THSD7A: variants seen among roughly 807,000 people sequenced by gnomAD.
THSD7A encodes the protein thrombospondin type 1 domain containing 7A.
Under a neutral mutation model 231.3 loss-of-function variants are expected in THSD7A, and 96 were observed. The observed-to-expected ratio is 0.41, with a 90% CI of 0.35 to 0.49. The LOEUF (loss-of-function observed/expected upper bound fraction) is 0.49, where lower values mean the gene tolerates loss of function less well. Among genes scored for constraint, THSD7A ranks in the 20% least tolerant of loss-of-function variants. The pLI, the probability that THSD7A is intolerant of heterozygous loss-of-function variation, is 0.05. For synonymous variants in THSD7A, 940 were observed against 743.3 expected (o/e 1.26, Z -4.30); for missense variants, 2,290 against 2,070.2 (o/e 1.11, Z -2.06).
intron 1 of THSD7A, among the ~76,000 whole-genome samples, chr7:11,778,417 C>T (rs1783509227): frequency 6.6e-6 from 1 of 151,942 alleles, no homozygotes; most frequent in Non-Finnish European, 1.5e-5. Context: ...AGTGGTTATC[C>T]ATATTTTCAT....
At chr7:11,779,081 A>G (rs1237404332) in intron 1 of THSD7A, among the ~76,000 whole-genome samples, 3 of 152,190 alleles carry the variant, frequency 2.0e-5, no homozygotes, top group African/African-American at 7.2e-5. Flanking sequence ...AATTAGAATA[A>G]GTGAAATTAA....
At chr7:11,746,591 C>A (rs755862317) in intron 1 of THSD7A, among the ~76,000 whole-genome samples, 2 of 151,794 alleles carry the variant, frequency 1.3e-5, no homozygotes, top group Non-Finnish European at 2.9e-5. Flanking sequence ...TCATGATTAA[C>A]CTGTGGTTAC....
chr7:11,704,142 T>C (rs1293926348), intron 1 of THSD7A, among the ~76,000 whole-genome samples: 4 of 151,112 alleles, frequency 2.6e-5, no homozygotes, highest in African/African-American at 7.3e-5. Flanking sequence ...GGGAAAAAGA[T>C]AGTTTCTACC....
chr7:11,785,978 A>G (rs919858370), intron 1 of THSD7A, among the ~76,000 whole-genome samples: 1 of 151,940 alleles, frequency 6.6e-6, no homozygotes, highest in African/African-American at 2.4e-5. Flanking sequence ...ATCTGAAATG[A>G]TTTTCTTTAA....
chr7:11,745,777 G>A (rs1782279209), intron 1 of THSD7A, among the ~76,000 whole-genome samples: 1 of 151,964 alleles, frequency 6.6e-6, no homozygotes, highest in African/African-American at 2.4e-5. Context: ...TTATTTCTGA[G>A]GGCTCTGTTC....
chr7:11,600,675 G>C (rs920005075), intron 2 of THSD7A, among the ~76,000 whole-genome samples: 1 of 152,178 alleles, frequency 6.6e-6, no homozygotes, highest in Non-Finnish European at 1.5e-5. Flanking sequence ...GCCATGAAGA[G>C]CCATCTGGTC....
intron 13 of THSD7A, among the ~76,000 whole-genome samples, chr7:11,438,645 TATTTA>T (rs1427161131): frequency 3.3e-5 from 5 of 152,190 alleles, no homozygotes; most frequent in African/African-American, 1.2e-4. Flanking sequence ...TATTCTGAAC[TATTTA>T]ATTGTTACTA....
chr7:11,380,728 C>T (rs1352559398), intron 24 of THSD7A, among the ~76,000 whole-genome samples: 1 of 152,070 alleles, frequency 6.6e-6, no homozygotes, highest in South Asian at 2.1e-4. Flanking sequence ...ACTTTACATG[C>T]TTGTCTATTT....
rs773888714 is a variant in THSD7A, at chr7:11,593,432, C to T, written c.1093G>A (p.Glu365Lys). Residue 365 changes from glutamate to lysine, a missense_variant, in exon 3 of 28, where the codon GAG (glutamate) becomes AAG (lysine). By Grantham distance (56) the Glu-to-Lys change is moderately conservative. Transcript: ENST00000423059. ...CVITKECQVS[E>K]WSEWSPCSKT... ...GAGCAGGGGCTCCACTCTGACCACT[C>T]GGAAACCTGGCACTCTTTGGTGATC... The T allele has an allele frequency of 7.4e-5, 120 of 1,613,872 alleles. No individual in the cohort carries two copies. Among genetic ancestry groups the T allele is most frequent in the Middle Eastern group, 1.6e-4 (1 of 6,084 alleles).
At chr7:11,541,288 A>T in intron 6 of THSD7A, 131 bp downstream of exon 6, 4 of 852,626 alleles carry the variant, frequency 4.7e-6, no homozygotes, top group Non-Finnish European at 7.5e-6. Context: ...GGAGGGAGAG[A>T]GAAGCAGCTA....
chr7:11,802,611 G>A (rs1451143105), intron 1 of THSD7A, among the ~76,000 whole-genome samples: 1 of 152,138 alleles, frequency 6.6e-6, no homozygotes. Flanking sequence ...ATATATTCTG[G>A]TTCTGCTCTT....
chr7:11,820,158 C>T (rs1235717148), intron 1 of THSD7A, among the ~76,000 whole-genome samples: 1 of 152,148 alleles, frequency 6.6e-6, no homozygotes, highest in Admixed American at 6.5e-5. Flanking sequence ...TGGAAGGCAG[C>T]GCCAGGGATG....
At chr7:11,597,117 T>G (rs1414700354) in intron 2 of THSD7A, among the ~76,000 whole-genome samples, 1 of 152,216 alleles carries the variant, frequency 6.6e-6, no homozygotes, top group African/African-American at 2.4e-5. Flanking sequence ...GCAAACACAC[T>G]AGACTTATTG....
At chr7:11,405,128 C>G (rs1398858310) in intron 22 of THSD7A, among the ~76,000 whole-genome samples, 3 of 149,012 alleles carry the variant, frequency 2.0e-5, no homozygotes, top group South Asian at 2.1e-4. Context: ...AAACTATACC[C>G]TACCATTTTT....
At chr7:11,597,569 A>G (rs924916940) in intron 2 of THSD7A, among the ~76,000 whole-genome samples, 1 of 152,142 alleles carries the variant, frequency 6.6e-6, no homozygotes, top group Admixed American at 6.6e-5. Flanking sequence ...GAATCACATC[A>G]GAGGCCTCTA....
At chr7:11,783,481 T>C (rs904196999) in intron 1 of THSD7A, among the ~76,000 whole-genome samples, 1 of 152,296 alleles carries the variant, frequency 6.6e-6, no homozygotes, top group African/African-American at 2.4e-5. Context: ...ACCATATGTA[T>C]ACCATTTGGT....
Position 11,590,455 on chromosome 7 carries a change from GT to G in THSD7A, c.1453+4del, listed in dbSNP as rs747276749. On this transcript the variant is annotated splice_donor_region_variant and intron_variant, in intron 4 of 27. Coordinates refer to ENST00000423059, the MANE Select transcript of THSD7A (RefSeq NM_015204.3). The surrounding 1 kb of genome is among the most constrained non-coding windows in gnomAD (Gnocchi z 4.4). ...GTGAATCCTTGAGAAGAAAGCAAAGGTTACCTTCTTTGTTCTTGTGGGTACT... is the reference window on the plus strand; with the variant it reads ...GTGAATCCTTGAGAAGAAAGCAAAGGTACCTTCTTTGTTCTTGTGGGTACT... The G allele has an allele frequency of 6.2e-7, 1 of 1,607,662 alleles. No individual in the cohort carries two copies. Among genetic ancestry groups the G allele is most frequent in the East Asian group, 2.2e-5 (1 of 44,680 alleles).
chr7:11,694,872 C>T (rs1327665306), intron 1 of THSD7A, among the ~76,000 whole-genome samples: 1 of 151,440 alleles, frequency 6.6e-6, no homozygotes, highest in Non-Finnish European at 1.5e-5. Context: ...ATTTGGAAGA[C>T]AATTCCACAT....
At chr7:11,650,160 T>G (rs1782436693) in intron 1 of THSD7A, among the ~76,000 whole-genome samples, 1 of 152,132 alleles carries the variant, frequency 6.6e-6, no homozygotes, top group African/African-American at 2.4e-5. Flanking sequence ...AACTCATTCA[T>G]AATAGTTGCA....
Sources: gnomAD v4.1 joint callset for allele counts (sites outside exome capture counted in the v4.1 genomes callset) on GRCh38, gnomAD v4.1.1 for gene constraint, Gnocchi (gnomAD v3.1) non-coding constraint, MANE v1.5 for transcripts, NCBI Gene and HGNC (gene_info 2026-07-23, HGNC 2026-07-21) for gene names.